Variants in RELN observed in about 807,000 individuals in gnomAD.
RELN encodes reelin.
RELN carries 108 observed loss-of-function variants against 427.6 expected under a neutral mutation model. The ratio of observed to expected loss-of-function variants is 0.25; its 90% CI spans 0.22 to 0.30. The LOEUF (loss-of-function observed/expected upper bound fraction) is 0.30, where lower values mean the gene tolerates loss of function less well. Among genes scored for constraint, RELN ranks in the 10% least tolerant of loss-of-function variants. The probability of loss-of-function intolerance (pLI) is 1.00; values close to 1 mark genes in which losing one functional copy is unlikely to be tolerated. For missense variants in RELN, 3,715 were observed against 4,302.8 expected, an observed-to-expected ratio of 0.86 and a Z score of 3.82; for synonymous variants, 1,524 against 1,513.4, an observed-to-expected ratio of 1.01 and a Z score of -0.16.
At chr7:103,784,281 G>T (rs1174492880) in intron 3 of RELN, among the ~76,000 whole-genome samples, 1 of 152,076 alleles carries the variant, frequency 6.6e-6, no homozygotes, top group African/African-American at 2.4e-5. Context: ...TAATTTCCAG[G>T]AATATGTAAT....
chr7:103,738,282 G>A (rs1790544449), intron 6 of RELN, among the ~76,000 whole-genome samples: 1 of 151,342 alleles, frequency 6.6e-6, no homozygotes, highest in African/African-American at 2.4e-5. Flanking sequence ...TTGCTTAAAG[G>A]GTAAAACTCT....
intron 7 of RELN, among the ~76,000 whole-genome samples, chr7:103,725,746 T>C (rs1018608416): frequency 2.0e-5 from 3 of 152,150 alleles, no homozygotes; most frequent in Admixed American, 2.0e-4. Context: ...CCACCTGAAA[T>C]ACAGAGACTT....
At chr7:103,949,134 T>C (rs181706192) in intron 1 of RELN, among the ~76,000 whole-genome samples, 21 of 151,504 alleles carry the variant, frequency 1.4e-4, no homozygotes, top group African/African-American at 4.9e-4. Flanking sequence ...CACACACACA[T>C]TGCATTTTTA....
At chr7:103,717,193 G>A (rs1274376465) in intron 8 of RELN, among the ~76,000 whole-genome samples, 6 of 151,678 alleles carry the variant, frequency 4.0e-5, no homozygotes, top group South Asian at 4.2e-4. Flanking sequence ...AGAATTTTGG[G>A]TTTAGTGGTA....
chr7:103,482,826 C>T, intron 63 of RELN, 47 bp downstream of exon 63: 1 of 1,613,872 alleles, frequency 6.2e-7, no homozygotes, highest in East Asian at 2.2e-5. Context: ...AAAGGAATTT[C>T]AAACCTTCCT....
chr7:103,825,881 G>A (rs1329630929), intron 3 of RELN, among the ~76,000 whole-genome samples: 3 of 152,116 alleles, frequency 2.0e-5, no homozygotes, highest in Admixed American at 1.3e-4. Flanking sequence ...GTGTGTATGT[G>A]TGTGTGCCTG....
intron 20 of RELN, among the ~76,000 whole-genome samples, chr7:103,623,024 A>C (rs944750667): frequency 6.6e-6 from 1 of 152,244 alleles, no homozygotes; most frequent in Non-Finnish European, 1.5e-5. Context: ...CAAAAGCTAA[A>C]TAAATAGGCT....
At position 103,824,893 on chromosome 7, in the gene RELN, A is replaced by G. The variant is rs1359642972; in HGVS notation, c.473+8644T>C. On this transcript the variant is annotated intron_variant, in intron 3 of 64. Transcript: ENST00000428762. This position sits in a 1 kb window ranked among gnomAD's most constrained non-coding sequence, Gnocchi z 4.4. ...AAATACTAATTTTTAAAAGAAATAT[A>G]GAGTGGTAGTATAGGATGGTGGTTT... 6.6e-6 allele frequency among the ~76,000 whole-genome samples: 1 copy of G among 152,060 alleles called. No homozygotes were observed. Among genetic ancestry groups the G allele is most frequent in the Non-Finnish European group, 1.5e-5 (1 of 68,004 alleles).
At chr7:103,547,634 A>G (rs1228577218) in intron 41 of RELN, among the ~76,000 whole-genome samples, 1 of 152,204 alleles carries the variant, frequency 6.6e-6, no homozygotes, top group Non-Finnish European at 1.5e-5. Context: ...CCAAAATGCC[A>G]GTCCATAATT....
chr7:103,798,293 G>T (rs1338980366), intron 3 of RELN, among the ~76,000 whole-genome samples: 1 of 152,128 alleles, frequency 6.6e-6, no homozygotes, highest in African/African-American at 2.4e-5. Context: ...GTCAAATCTA[G>T]GTTCAAATCT....
At chr7:103,923,490 A>G (rs1378027527) in intron 1 of RELN, among the ~76,000 whole-genome samples, 2 of 152,228 alleles carry the variant, frequency 1.3e-5, no homozygotes, top group Non-Finnish European at 2.9e-5. Flanking sequence ...AATAAATGTA[A>G]AAGAAATGAC....
intron 47 of RELN, among the ~76,000 whole-genome samples, chr7:103,523,187 T>C (rs1829748554): frequency 1.3e-5 from 2 of 152,224 alleles, no homozygotes; most frequent in African/African-American, 4.8e-5. Flanking sequence ...CCTGACAAGA[T>C]AGCTATTGTT....
intron 63 of RELN, 184 bp downstream of exon 63, chr7:103,482,689 G>A (rs1043107824): frequency 4.7e-5 from 37 of 780,642 alleles, no homozygotes; most frequent in East Asian, 1.3e-4. Flanking sequence ...CATTTCATTC[G>A]GGGCTTTGCT....
chr7:103,788,107 A>G (rs1478667289), intron 3 of RELN, among the ~76,000 whole-genome samples: 7 of 152,254 alleles, frequency 4.6e-5, no homozygotes, highest in African/African-American at 1.7e-4. Context: ...ATCACAATAG[A>G]TGCAGAAAAG....
At chr7:103,654,296 T>A in intron 12 of RELN, 91 bp from the exon 13 acceptor site, 1 of 752,760 alleles carries the variant, frequency 1.3e-6, no homozygotes, top group South Asian at 1.4e-5. Context: ...GAAAAATCAT[T>A]ATAGTACCCA....
At position 103,988,429 on chromosome 7, in the gene RELN, C is replaced by T. The variant is rs146716707; in HGVS notation, c.226+702G>A. ...AAATTAAAGCTGTGCAGATAAAATA[C>T]AAAGTCATTAATAAACATCACAAAG... is the stretch of plus-strand genomic sequence containing the variant. On this transcript the variant is annotated intron_variant, in intron 1 of 64. Transcript: ENST00000428762. This position sits in a 1 kb window ranked among gnomAD's most constrained non-coding sequence, Gnocchi z 4.9. Among the ~76,000 whole-genome samples, 335 of 152,260 alleles carry T rather than the reference C, an allele frequency of 2.2e-3. No homozygotes were observed. The highest frequency in any genetic ancestry group is 2.6e-3 in the Non-Finnish European group (180 of 68,014).
chr7:103,592,087 T>C (rs1334532831), intron 27 of RELN, among the ~76,000 whole-genome samples: 1 of 152,166 alleles, frequency 6.6e-6, no homozygotes, highest in Non-Finnish European at 1.5e-5. Flanking sequence ...TTTTGTTATA[T>C]AGGTAAACTG....
intron 2 of RELN, among the ~76,000 whole-genome samples, chr7:103,895,583 G>A (rs1794942346): frequency 6.6e-6 from 1 of 152,064 alleles, no homozygotes; most frequent in Non-Finnish European, 1.5e-5. Context: ...TAAGTGTAAA[G>A]ATGATGCTAC....
intron 38 of RELN, 53 bp downstream of exon 38, chr7:103,556,924 G>T: frequency 7.1e-7 from 1 of 1,412,546 alleles, no homozygotes; most frequent in Non-Finnish European, 1.0e-6. Context: ...AGAAACAAAT[G>T]TGTTAACATG....
Sources: allele counts gnomAD v4.1 joint callset (sites outside exome capture counted in the v4.1 genomes callset), GRCh38; gene constraint gnomAD v4.1.1; non-coding constraint Gnocchi (gnomAD v3.1); transcripts MANE v1.5; gene names NCBI Gene and HGNC (gene_info 2026-07-23, HGNC 2026-07-21).